RBMX: variants seen among roughly 807,000 people sequenced by gnomAD.
RBMX encodes RNA-binding motif protein, X chromosome.
RBMX carries 1 observed loss-of-function variant against 29.3 expected under a neutral mutation model. That is an observed-to-expected ratio of 0.03 (90% CI 0.01 to 0.16). The LOEUF (loss-of-function observed/expected upper bound fraction) is 0.16. Ranked by LOEUF, RBMX falls within the 10% of genes least tolerant of loss-of-function variation. The pLI is 1.00. For missense variants in RBMX, 121 were observed against 333.2 expected, an observed-to-expected ratio of 0.36 and a Z score of 4.96; for synonymous variants, 102 against 102.3, an observed-to-expected ratio of 1.00 and a Z score of 0.02.
At chrX:136,874,496 T>C in intron 8 of RBMX, 44 bp from the exon 9 acceptor site, 1 of 1,161,576 alleles carries the variant, frequency 8.6e-7, no homozygotes. Context: ...CTATAAATTG[T>C]ATATATACAA....
intron 1 of RBMX, among the ~76,000 whole-genome samples, chrX:136,879,845 G>C (rs1378891817): frequency 9.0e-6 from 1 of 111,349 alleles, no homozygotes; most frequent in Non-Finnish European, 1.9e-5. Flanking sequence ...GCTAGACACA[G>C]GACCTTAACA....
intron 8 of RBMX, 91 bp downstream of exon 8, chrX:136,874,995 T>C: frequency 1.8e-5 from 20 of 1,140,526 alleles, no homozygotes; most frequent in Non-Finnish European, 2.3e-5. Context: ...AAACATCCCT[T>C]TAAAAGCAAG....
At chrX:136,869,913 T>A (rs2077675131), downstream of RBMX, 1 of 112,109 alleles carries the variant, frequency 8.9e-6, no homozygotes, top group African/African-American at 3.2e-5. Context: ...CCTAATTGTT[T>A]CCAGTGTGCT....
In RBMX at chrX:136,877,990, G is replaced by A. The variant is rs753670162; in HGVS notation, c.313C>T (p.Pro105Ser). The A allele has an allele frequency of 8.3e-7, 1 of 1,208,677 alleles. No homozygotes were observed. The highest frequency in any genetic ancestry group is 1.1e-6 in the Non-Finnish European group (1 of 893,720). The change falls in exon 4 of 9, where the codon CCT (proline) becomes TCT (serine). Residue 105 changes from proline to serine, a missense_variant. Physicochemically the swap from Pro to Ser is moderately conservative, Grantham distance 74. Coordinates refer to ENST00000320676, the MANE Select transcript of RBMX (RefSeq NM_002139.4). ...GPPPPPRSRG[P>S]PRGLRGGRGG... ...CTTCCACCTCTAAGACCTCTTGGAG[G>A]GCCTCTACTTCTTGGAGGTGGAGGC... is the stretch of plus-strand genomic sequence containing the variant.
At chrX:136,871,811 G>GTT (rs750533072), downstream of RBMX, among the ~76,000 whole-genome samples, 92 of 74,897 alleles carry the variant, frequency 1.2e-3, 2 homozygotes, top group Non-Finnish European at 1.8e-3. Flanking sequence ...CACGCCCGGT[G>GTT]TTTTTTTTTT....
At chrX:136,878,551 G>T (rs1173995246) in intron 3 of RBMX, among the ~76,000 whole-genome samples, 4 of 101,927 alleles carry the variant, frequency 3.9e-5, no homozygotes, top group African/African-American at 7.2e-5. Flanking sequence ...TTTGAGACCA[G>T]CCTGGCCAAC....
At chrX:136,876,691 C>T in intron 4 of RBMX, 36 bp from the exon 5 acceptor site, 1 of 1,088,693 alleles carries the variant, frequency 9.2e-7, no homozygotes, top group Non-Finnish European at 1.2e-6. Context: ...TATTACTACT[C>T]ACAAGAATCA....
chrX:136,877,294 T>C (rs975825402), intron 4 of RBMX, among the ~76,000 whole-genome samples: 1 of 90,264 alleles, frequency 1.1e-5, no homozygotes, highest in African/African-American at 4.2e-5. Flanking sequence ...ATCGTGCCAC[T>C]GCACTTCAGC....
chrX:136,873,204 T>G (rs755458294), downstream of RBMX: 3 of 113,758 alleles, frequency 2.6e-5, no homozygotes, highest in Non-Finnish European at 5.5e-5. Flanking sequence ...AGGTAAGTGT[T>G]CAATTTCGAC....
At chrX:136,877,407 G>A (rs1416986440) in intron 4 of RBMX, among the ~76,000 whole-genome samples, 1 of 98,057 alleles carries the variant, frequency 1.0e-5, no homozygotes, top group Non-Finnish European at 2.0e-5. Context: ...ATGCACTGCA[G>A]TCATAGAAAC....
At chrX:136,872,488 T>A, downstream of RBMX, 1 of 526,268 alleles carries the variant, frequency 1.9e-6, no homozygotes, top group Non-Finnish European at 3.2e-6. Context: ...CTATTTGTCT[T>A]AAGTGGTGGA....
chrX:136,874,381 A>T lies in RBMX; in HGVS notation c.937T>A (p.Tyr313Asn). 8.2e-7 allele frequency: 1 copy of T among 1,212,927 alleles called. No individual in the cohort carries two copies. The highest frequency in any genetic ancestry group is 2.9e-5 in the East Asian group (1 of 33,912). The change falls in exon 9 of 9, where the codon TAC (tyrosine) becomes AAC (asparagine). Residue 313 changes from tyrosine (Y) to asparagine (N), a missense_variant. Physicochemically the swap from Tyr to Asn is moderately radical, Grantham distance 143 (BLOSUM62 -2). Coordinates refer to ENST00000320676, the MANE Select transcript of RBMX (RefSeq NM_002139.4). The part of the protein sequence containing the change: ...SYGGSSRYDD[Y>N]SSSRDGYGGS... ...CCATATCCGTCACGTGAGCTGCTGT[A>T]ATCATCATAGCGACTGCTTCCACCA...
chrX:136,875,370 C>T lies in RBMX; in HGVS notation c.670G>A (p.Asp224Asn). Residue 224 changes from aspartate (D) to asparagine (N), a missense_variant, in exon 7 of 9, where the codon GAT (aspartate) becomes AAT (asparagine). Transcript: ENST00000320676. Reference protein sequence around the residue: ...YSTKDSYSSRDYPSSRDTRDY... With the variant: ...YSTKDSYSSRNYPSSRDTRDY... Reference sequence around the variant, plus strand: ...CTAGTATCACGAGAACTTGGGTAATCTCTGCTTGAATAGCTACAAAGCAAA... The same window carrying T: ...CTAGTATCACGAGAACTTGGGTAATTTCTGCTTGAATAGCTACAAAGCAAA... 1 of 1,210,031 alleles carries T rather than the reference C, an allele frequency of 8.3e-7. No individual in the cohort carries two copies. Among genetic ancestry groups the T allele is most frequent in the Non-Finnish European group, 1.1e-6 (1 of 894,621 alleles).
downstream of RBMX, chrX:136,872,798 AAAC>A (rs933014205): frequency 8.8e-6 from 1 of 114,141 alleles, no homozygotes; most frequent in African/African-American, 3.3e-5. Flanking sequence ...ATAGAACTAA[AAAC>A]AAGTCAGGCA....
chrX:136,878,370 C>T (rs1313303901), intron 3 of RBMX, among the ~76,000 whole-genome samples: 1 of 111,276 alleles, frequency 9.0e-6, no homozygotes, highest in African/African-American at 3.3e-5. Context: ...TAGGTATCAG[C>T]TTGTTATCAA....
intron 7 of RBMX, 32 bp from the exon 8 acceptor site, chrX:136,875,200 G>A (rs1290310144): frequency 8.3e-7 from 1 of 1,209,438 alleles, no homozygotes; most frequent in African/African-American, 1.7e-5. Flanking sequence ...AAGTCCCAGA[G>A]AATCAACTTT....
At chrX:136,874,822 T>G (rs2077711178) in intron 8 of RBMX, 2 of 423,472 alleles carry the variant, frequency 4.7e-6, no homozygotes, top group Non-Finnish European at 7.2e-6. Flanking sequence ...TTTTAAATTG[T>G]ATTTTCACTG....
chrX:136,879,572 A>G, intron 1 of RBMX, 119 bp from the exon 2 acceptor site: 1 of 634,078 alleles, frequency 1.6e-6, no homozygotes, highest in South Asian at 3.0e-5. Flanking sequence ...ATAACTAAAG[A>G]AAACGATAAC....
intron 4 of RBMX, 124 bp downstream of exon 4, chrX:136,877,791 G>T (rs1484965222): frequency 3.2e-6 from 2 of 617,391 alleles, no homozygotes; most frequent in Non-Finnish European, 4.9e-6. Context: ...TTTGGTAGAT[G>T]AACAAGTGTT....
Sources: gnomAD v4.1 joint callset for allele counts (sites outside exome capture counted in the v4.1 genomes callset) on GRCh38, gnomAD v4.1.1 for gene constraint, MANE v1.5 for transcripts, NCBI Gene and HGNC (gene_info 2026-07-23, HGNC 2026-07-21) for gene names.